JCAD: variants seen among roughly 807,000 people sequenced by gnomAD.
JCAD encodes the protein junctional cadherin 5 associated, also known as junctional cadherin 5-associated protein.
JCAD carries 40 observed loss-of-function variants against 98.0 expected under a neutral mutation model. That is an observed-to-expected ratio of 0.41 (90% CI 0.32 to 0.53). The LOEUF is 0.53. Ranked by LOEUF, JCAD falls within the 20% of genes least tolerant of loss-of-function variation. The probability of loss-of-function intolerance (pLI) is 0.31; values close to 1 mark genes in which losing one functional copy is unlikely to be tolerated. For synonymous variants in JCAD, 691 were observed against 682.3 expected (o/e 1.01, Z -0.20); for missense variants, 1,705 against 1,738.1 (o/e 0.98, Z 0.34).
chr10:30,105,138 C>T (rs1164848986), intron 1 of JCAD, among the ~76,000 whole-genome samples: 1 of 152,146 alleles, frequency 6.6e-6, no homozygotes, highest in Non-Finnish European at 1.5e-5. Flanking sequence ...GAGCTGCTGT[C>T]CTGCCCTGTA....
intron 2 of JCAD, among the ~76,000 whole-genome samples, chr10:30,036,135 T>C (rs1310618853): frequency 6.6e-6 from 1 of 152,212 alleles, no homozygotes; most frequent in Non-Finnish European, 1.5e-5. Flanking sequence ...TTTTAAAAAG[T>C]GATTCTCCTT....
At chr10:30,097,072 T>C (rs572253131) in intron 1 of JCAD, among the ~76,000 whole-genome samples, 2 of 152,148 alleles carry the variant, frequency 1.3e-5, no homozygotes, top group Non-Finnish European at 2.9e-5. Flanking sequence ...ATGTAGACCA[T>C]CCTATCCACA....
At chr10:30,030,460 A>C (rs969925993) in intron 2 of JCAD, among the ~76,000 whole-genome samples, 1 of 152,166 alleles carries the variant, frequency 6.6e-6, no homozygotes, top group Admixed American at 6.5e-5. Context: ...AAAATGCCCA[A>C]GGGAACAAGG....
At chr10:30,029,929 A>G (rs1413008481) in intron 2 of JCAD, 63 bp from the exon 3 acceptor site, 1 of 1,500,358 alleles carries the variant, frequency 6.7e-7, no homozygotes. Flanking sequence ...TGCTTCTGTG[A>G]CTGGCATTCG....
At chr10:30,070,450 A>G (rs920610230) in intron 1 of JCAD, among the ~76,000 whole-genome samples, 1 of 152,216 alleles carries the variant, frequency 6.6e-6, no homozygotes, top group African/African-American at 2.4e-5. Flanking sequence ...TTCCTTGTAA[A>G]AGAATGAATT....
Position 30,044,741 on chromosome 10 carries a change from A to C in JCAD, c.281+2791T>G, listed in dbSNP as rs986170254. On this transcript the variant is annotated intron_variant, in intron 2 of 3. Coordinates refer to ENST00000375377, the MANE Select transcript of JCAD (RefSeq NM_020848.4). Reference sequence around the variant, plus strand: ...ACACCTATTTACTTTTTCCCAAAGCACTTTGTTTCTGATGGGGAAAAACAA... The same window carrying C: ...ACACCTATTTACTTTTTCCCAAAGCCCTTTGTTTCTGATGGGGAAAAACAA... The C allele has an allele frequency of 2.9e-5, 27 of 931,244 alleles. No individual in the cohort carries two copies. The African/African-American group carries it at 5.0e-4, about 17-fold the overall frequency. The allele number at this position is 931,244 out of a possible 1,614,324, so 57.7% of individuals were successfully genotyped here.
chr10:30,023,228 G>C (rs1836704000), intron 3 of JCAD, among the ~76,000 whole-genome samples: 1 of 151,992 alleles, frequency 6.6e-6, no homozygotes, highest in African/African-American at 2.4e-5. Context: ...AGTAGAGACA[G>C]GTTTTCACCA....
At chr10:30,075,538 C>T (rs1326497956) in intron 1 of JCAD, among the ~76,000 whole-genome samples, 3 of 152,148 alleles carry the variant, frequency 2.0e-5, no homozygotes, top group Non-Finnish European at 2.9e-5. Context: ...CTAGTGTACC[C>T]AAGGTTTCCT....
At chr10:30,107,461 T>C (rs1000955067) in intron 1 of JCAD, among the ~76,000 whole-genome samples, 2 of 152,210 alleles carry the variant, frequency 1.3e-5, no homozygotes, top group Admixed American at 6.5e-5. Flanking sequence ...AGTTACCCTA[T>C]ATGATCTAAA....
rs1372964171 is a variant in JCAD, at chr10:30,012,979, CATT to C, written c.*4901_*4903del. ...GTCCTGCTTCTCTCTTCCCTGTGCT[CATT>C]ATTCTTCATGCACCCTCACCTCTCA... On this transcript the variant is annotated 3_prime_UTR_variant, in exon 4 of 4. Coordinates refer to ENST00000375377, the MANE Select transcript of JCAD (RefSeq NM_020848.4). The C allele has an allele frequency of 6.6e-6, 1 of 152,294 alleles. No homozygotes were observed. Among genetic ancestry groups the C allele is most frequent in the African/African-American group, 2.4e-5 (1 of 41,448 alleles). 9.4% of individuals were successfully genotyped at this position (152,294 alleles called of 1,614,324 possible).
chr10:30,094,541 G>C (rs759544411), intron 1 of JCAD, among the ~76,000 whole-genome samples: 1 of 152,128 alleles, frequency 6.6e-6, no homozygotes, highest in African/African-American at 2.4e-5. Flanking sequence ...AAGGAACAAA[G>C]CCTCCCAGGT....
At chr10:30,036,247 C>G (rs898840805) in intron 2 of JCAD, among the ~76,000 whole-genome samples, 2 of 152,140 alleles carry the variant, frequency 1.3e-5, no homozygotes, top group African/African-American at 4.8e-5. Context: ...AGTTCAAGAC[C>G]AGCCTGACCA....
intron 2 of JCAD, among the ~76,000 whole-genome samples, chr10:30,045,842 C>T (rs970884784): frequency 2.0e-5 from 3 of 152,230 alleles, no homozygotes; most frequent in Admixed American, 1.3e-4. Flanking sequence ...GACTTGGCAA[C>T]TTAAACCTGC....
intron 2 of JCAD, among the ~76,000 whole-genome samples, chr10:30,033,096 G>A (rs952352961): frequency 3.9e-5 from 6 of 152,166 alleles, no homozygotes; most frequent in African/African-American, 1.4e-4. Context: ...AGAAAACTGA[G>A]GCACAGGTAG....
At chr10:30,107,920 C>G (rs1220618643) in intron 1 of JCAD, among the ~76,000 whole-genome samples, 1 of 152,130 alleles carries the variant, frequency 6.6e-6, no homozygotes, top group Non-Finnish European at 1.5e-5. Context: ...GCCATAGTGT[C>G]TAATAAAATA....
At chr10:30,070,496 A>G (rs1326141161) in intron 1 of JCAD, among the ~76,000 whole-genome samples, 2 of 152,218 alleles carry the variant, frequency 1.3e-5, no homozygotes, top group African/African-American at 4.8e-5. Context: ...AACTACGTGC[A>G]CTTTTTAGTT....
intron 1 of JCAD, among the ~76,000 whole-genome samples, chr10:30,058,926 G>A (rs370547019): frequency 6.6e-6 from 1 of 152,188 alleles, no homozygotes; most frequent in Non-Finnish European, 1.5e-5. Flanking sequence ...CGGGAGCGGG[G>A]CCGCGGCGGG....
intron 1 of JCAD, among the ~76,000 whole-genome samples, chr10:30,072,853 T>C (rs1257971603): frequency 6.6e-6 from 1 of 152,172 alleles, no homozygotes; most frequent in Non-Finnish European, 1.5e-5. Context: ...GGTTTCACTA[T>C]GTTGGCCAGG....
At chr10:30,077,246 A>C (rs753462757) in intron 1 of JCAD, among the ~76,000 whole-genome samples, 1 of 152,310 alleles carries the variant, frequency 6.6e-6, no homozygotes, top group African/African-American at 2.4e-5. Flanking sequence ...TTGAGCAAAT[A>C]GAATCAAATA....
Sources: allele counts gnomAD v4.1 joint callset (sites outside exome capture counted in the v4.1 genomes callset), GRCh38; gene constraint gnomAD v4.1.1; transcripts MANE v1.5; gene names NCBI Gene and HGNC (gene_info 2026-07-23, HGNC 2026-07-21).